The following DDX31 variants were observed in gnomAD, a reference collection of about 807,000 sequenced individuals.
DDX31 encodes ATP-dependent DNA helicase DDX31.
A neutral mutation model predicts 91.3 loss-of-function variants in DDX31; 70 were observed. The observed-to-expected ratio is 0.77, with a 90% CI of 0.63 to 0.94. The LOEUF (loss-of-function observed/expected upper bound fraction) is 0.94. Among genes scored for constraint, DDX31 ranks in the 40% least tolerant of loss-of-function variants. DDX31 has a pLI of 0.00. For synonymous variants in DDX31, 362 were observed against 350.6 expected, an observed-to-expected ratio of 1.03 and a Z score of -0.36; for missense variants, 902 against 925.0, an observed-to-expected ratio of 0.98 and a Z score of 0.32.
At chr9:132,630,092 G>A (rs1832628380) in intron 16 of DDX31, among the ~76,000 whole-genome samples, 172 bp downstream of exon 16, 1 of 152,226 alleles carries the variant, frequency 6.6e-6, no homozygotes, top group African/African-American at 2.4e-5. Flanking sequence ...AAACTGTCAT[G>A]TGCTGAGGAT....
rs1830346388 is a variant in DDX31, at chr9:132,594,713, T to C, written c.*153A>G. Reference sequence around the variant, plus strand: ...TTCTATCAGGCTCCAGGGCCTCCCATGGAGGAGAAGGGCTGTGGCCCCTCT... The same window carrying C: ...TTCTATCAGGCTCCAGGGCCTCCCACGGAGGAGAAGGGCTGTGGCCCCTCT... On this transcript the variant is annotated 3_prime_UTR_variant, in exon 20 of 20. Coordinates refer to ENST00000372159, the MANE Select transcript of DDX31 (RefSeq NM_022779.9). 1.1e-5 allele frequency: 14 copies of C among 1,269,630 alleles called. No homozygotes were observed. The highest frequency in any genetic ancestry group is 1.5e-5 in the Non-Finnish European group (14 of 920,228). The allele number at this position is 1,269,630 out of a possible 1,614,324, so 78.6% of individuals were successfully genotyped here.
chr9:132,594,888 C>T lies in DDX31; in HGVS notation c.2219G>A (p.Ser740Asn). ...RKTQKGVQRDSKTSQKV is the reference protein window; with the variant it reads ...RKTQKGVQRDNKTSQKV ...ATTTTAAACTTTCTGGGAAGTCTTG[C>T]TGTCCCGCTGTACACCTTTTTGGGT... is the stretch of plus-strand genomic sequence containing the variant. Residue 740 changes from serine (S) to asparagine (N), a missense_variant, in exon 20 of 20, where the codon AGC (serine) becomes AAC (asparagine). Ser to Asn is a conservative substitution (Grantham distance 46). Coordinates refer to ENST00000372159, the MANE Select transcript of DDX31 (RefSeq NM_022779.9). 10 of 1,613,770 alleles carry T rather than the reference C, an allele frequency of 6.2e-6. No homozygotes were observed. The highest frequency in any genetic ancestry group is 8.5e-6 in the Non-Finnish European group (10 of 1,180,010).
intron 19 of DDX31, among the ~76,000 whole-genome samples, chr9:132,601,907 T>C (rs773653304): frequency 6.6e-6 from 1 of 152,234 alleles, no homozygotes; most frequent in Non-Finnish European, 1.5e-5. Flanking sequence ...TAACACTCTA[T>C]TCAGCACACA....
chr9:132,606,486 G>A (rs988964790), intron 19 of DDX31, among the ~76,000 whole-genome samples: 3 of 152,212 alleles, frequency 2.0e-5, no homozygotes, highest in African/African-American at 2.4e-5. Context: ...GGTTCCGCGG[G>A]TACTCGCGAC....
intron 14 of DDX31, among the ~76,000 whole-genome samples, chr9:132,633,957 G>C (rs1832944977): frequency 6.6e-6 from 1 of 152,120 alleles, no homozygotes; most frequent in African/African-American, 2.4e-5. Context: ...GGAACATGTT[G>C]AACACCGTGA....
chr9:132,626,246 C>T (rs1412254234), intron 16 of DDX31, among the ~76,000 whole-genome samples: 1 of 152,226 alleles, frequency 6.6e-6, no homozygotes, highest in Non-Finnish European at 1.5e-5. Flanking sequence ...GCAGCACTGG[C>T]CTTTCTTCTT....
chr9:132,602,978 G>A (rs1830798827), intron 19 of DDX31, among the ~76,000 whole-genome samples: 1 of 152,152 alleles, frequency 6.6e-6, no homozygotes, highest in South Asian at 2.1e-4. Flanking sequence ...ACGGCCCTTG[G>A]CTGAGAGTTT....
rs999274210 is a variant in DDX31, at chr9:132,646,163, C to G, written c.1204-92G>C. The stretch of plus-strand genomic sequence containing the variant: ...TCTCTAAACTATACAGTCATGCTGA[C>G]CCCCATTTGGAAATAAAGGTGACTA... On this transcript the variant is annotated intron_variant, in intron 12 of 19. Transcript: ENST00000372159. The G allele has an allele frequency of 1.6e-5, 21 of 1,308,750 alleles. No individual in the cohort carries two copies. In the South Asian group the frequency reaches 2.2e-4, roughly 14 times the overall value. The allele number at this position is 1,308,750 out of a possible 1,614,324, so 81.1% of individuals were successfully genotyped here.
At chr9:132,607,333 G>T (rs145218027) in intron 19 of DDX31, among the ~76,000 whole-genome samples, 1 of 152,220 alleles carries the variant, frequency 6.6e-6, no homozygotes. Flanking sequence ...TAACATTTGG[G>T]CTAGGCTGAC....
At chr9:132,650,420 G>T in intron 8 of DDX31, 122 bp from the exon 9 acceptor site, 1 of 891,486 alleles carries the variant, frequency 1.1e-6, no homozygotes, top group Non-Finnish European at 1.8e-6. Context: ...CATTGTATAA[G>T]GTGTTATTGT....
At chr9:132,649,252 T>C (rs907933620) in intron 9 of DDX31, among the ~76,000 whole-genome samples, 3 of 152,210 alleles carry the variant, frequency 2.0e-5, no homozygotes, top group Non-Finnish European at 2.9e-5. Context: ...TAGCTGGATA[T>C]ATTTTCAAGC....
chr9:132,660,335 CAAAAAAA>C (rs773583376), intron 4 of DDX31, among the ~76,000 whole-genome samples: 12 of 55,322 alleles, frequency 2.2e-4, no homozygotes, highest in African/African-American at 5.5e-4. Context: ...AACTCCGTCT[CAAAAAAA>C]AAAAAAAAAA....
At chr9:132,658,370 T>C in intron 6 of DDX31, 1 of 703,136 alleles carries the variant, frequency 1.4e-6, no homozygotes, top group Non-Finnish European at 2.6e-6. Context: ...TATAACACAG[T>C]GGGGGAGAGA....
chr9:132,604,300 G>A (rs7037273), intron 19 of DDX31, among the ~76,000 whole-genome samples: 25,817 of 151,982 alleles, frequency 0.17, 2,824 homozygotes, highest in African/African-American at 0.31. Context: ...GTAGTGCTCC[G>A]ATCTCTTGCT....
intron 1 of DDX31, among the ~76,000 whole-genome samples, chr9:132,664,716 CAA>C (rs10668095): frequency 1.4e-4 from 14 of 97,394 alleles, no homozygotes; most frequent in African/African-American, 3.6e-4. Context: ...GACCCTCGCT[CAA>C]AAAAAAAAAA....
In DDX31 at chr9:132,618,372, A is replaced by C. The variant is rs758891282; in HGVS notation, c.1783T>G (p.Tyr595Asp). ...ACCCTCCTCTCACTGGAGTGCACGT[A>C]ATCTTCAAATACCGTCTGCAAGACT... Reference protein sequence around the residue: ...ATVLQTVFEDYVHSSERRVSW... With the variant: ...ATVLQTVFEDDVHSSERRVSW... Residue 595 changes from tyrosine (Y) to aspartate (D), a missense_variant, in exon 18 of 20, where the codon TAC (tyrosine) becomes GAC (aspartate). Transcript: ENST00000372159. 3 of 1,612,166 alleles carry C rather than the reference A, an allele frequency of 1.9e-6. No homozygotes were observed. The highest frequency in any genetic ancestry group is 2.5e-6 in the Non-Finnish European group (3 of 1,179,356).
intron 13 of DDX31, among the ~76,000 whole-genome samples, chr9:132,644,097 GT>G (rs1301772760): frequency 6.6e-6 from 1 of 152,122 alleles, no homozygotes; most frequent in East Asian, 1.9e-4. Context: ...AAGTGGGACT[GT>G]TTCAGCTTAG....
chr9:132,610,403 G>A (rs1013055782), intron 19 of DDX31, among the ~76,000 whole-genome samples: 1 of 152,194 alleles, frequency 6.6e-6, no homozygotes, highest in Non-Finnish European at 1.5e-5. Flanking sequence ...AGAATTACTG[G>A]AGCATTGTCC....
chr9:132,665,202 A>G (rs940576884), intron 1 of DDX31, among the ~76,000 whole-genome samples: 1 of 152,154 alleles, frequency 6.6e-6, no homozygotes, highest in African/African-American at 2.4e-5. Flanking sequence ...CTCAACAAAT[A>G]CTTGTAAGAT....
Sources: allele counts gnomAD v4.1 joint callset (sites outside exome capture counted in the v4.1 genomes callset), GRCh38; gene constraint gnomAD v4.1.1; transcripts MANE v1.5; gene names NCBI Gene and HGNC (gene_info 2026-07-23, HGNC 2026-07-21).